The following PTPRC variants were observed in gnomAD, a reference collection of about 807,000 sequenced individuals.
PTPRC encodes the protein receptor-type tyrosine-protein phosphatase C.
In PTPRC, 44 loss-of-function variants were observed where a neutral mutation model predicts 155.9. That is an observed-to-expected ratio of 0.28 (90% CI 0.22 to 0.36). The LOEUF is 0.36. PTPRC is among the 10% of genes least tolerant of loss of function. The probability of loss-of-function intolerance (pLI) is 1.00; values close to 1 mark genes in which losing one functional copy is unlikely to be tolerated. For synonymous variants in PTPRC, 525 were observed against 533.1 expected, an observed-to-expected ratio of 0.98 and a Z score of 0.21; for missense variants, 1,401 against 1,564.6, an observed-to-expected ratio of 0.90 and a Z score of 1.76.
At chr1:198,728,480 A>T (rs1038900845) in intron 16 of PTPRC, 32 bp downstream of exon 16, 2 of 1,606,340 alleles carry the variant, frequency 1.2e-6, no homozygotes, top group Admixed American at 3.3e-5. Flanking sequence ...TTAAATAATA[A>T]TGGTATTAGT....
chr1:198,695,933 G>A (rs796150586), intron 3 of PTPRC, among the ~76,000 whole-genome samples: 13 of 152,096 alleles, frequency 8.5e-5, no homozygotes, highest in African/African-American at 2.2e-4. Flanking sequence ...AGGCCGAGGC[G>A]GGTGGATCAC....
chr1:198,732,687 A>C (rs773643460), intron 20 of PTPRC, 131 bp downstream of exon 20: 28 of 678,820 alleles, frequency 4.1e-5, no homozygotes, highest in Non-Finnish European at 6.1e-5. Flanking sequence ...TAAACAAAAA[A>C]TTATCAATAT....
chr1:198,741,723 A>G (rs1208792541), intron 23 of PTPRC, 146 bp from the exon 24 acceptor site: 10 of 794,860 alleles, frequency 1.3e-5, no homozygotes, highest in South Asian at 1.8e-5. Context: ...GAGAAAATAT[A>G]TAAGACACCT....
rs1655683587 is a variant in PTPRC at position 198,756,603 on chromosome 1, A to G, written c.*422A>G. On this transcript the variant is annotated 3_prime_UTR_variant, in exon 33 of 33. Coordinates refer to ENST00000442510, the MANE Select transcript of PTPRC (RefSeq NM_002838.5). ...CTTGAAGGATCTGTTTTTAAAAATC[A>G]TAAACTGTGTGCAGACTCAATAAAA... 1.5e-5 allele frequency: 3 copies of G among 194,206 alleles called. No individual in the cohort carries two copies. Among genetic ancestry groups the G allele is most frequent in the Non-Finnish European group, 3.2e-5 (3 of 93,326 alleles). The allele number at this position is 194,206 out of a possible 1,614,324, so 12.0% of individuals were successfully genotyped here.
At chr1:198,666,807 A>G (rs1410514894) in intron 2 of PTPRC, among the ~76,000 whole-genome samples, 1 of 152,204 alleles carries the variant, frequency 6.6e-6, no homozygotes, top group Non-Finnish European at 1.5e-5. Context: ...TCTTGCTTGA[A>G]TGAGGATGAG....
At chr1:198,747,737 G>A (rs1006218013) in intron 26 of PTPRC, among the ~76,000 whole-genome samples, 1 of 151,838 alleles carries the variant, frequency 6.6e-6, no homozygotes, top group Non-Finnish European at 1.5e-5. Context: ...AGAATGTGTT[G>A]TCTCCAAAGT....
At position 198,734,240 on chromosome 1, in the gene PTPRC, C is replaced by A. The variant is rs369017416; in HGVS notation, c.2179+8C>A. 6.2e-7 allele frequency: 1 copy of A among 1,610,536 alleles called. No homozygotes were observed. Among genetic ancestry groups the A allele is most frequent in the Non-Finnish European group, 8.5e-7 (1 of 1,177,726 alleles). ...AATACATTGCTGCACAAGGTAATTT[C>A]TTTGATAATCCAATATTCTTTTTGA... On this transcript the variant is annotated splice_region_variant and intron_variant, in intron 21 of 32. Coordinates refer to ENST00000442510, the MANE Select transcript of PTPRC (RefSeq NM_002838.5).
intron 31 of PTPRC, among the ~76,000 whole-genome samples, chr1:198,753,277 A>G (rs1655469508): frequency 6.6e-6 from 1 of 152,006 alleles, no homozygotes; most frequent in Admixed American, 6.6e-5. Context: ...AATTTTCTAA[A>G]CTGAACCAAA....
chr1:198,755,440 T>C (rs1419941217), intron 32 of PTPRC, among the ~76,000 whole-genome samples: 1 of 151,784 alleles, frequency 6.6e-6, no homozygotes, highest in East Asian at 1.9e-4. Flanking sequence ...AGCTAATTGG[T>C]ATGAGGGAAA....
intron 2 of PTPRC, among the ~76,000 whole-genome samples, chr1:198,661,319 TTAAA>T (rs1343885359): frequency 6.7e-6 from 1 of 149,544 alleles, no homozygotes; most frequent in Non-Finnish European, 1.5e-5. Context: ...TAATTATTTA[TTAAA>T]TAATAATAAA....
Position 198,757,337 on chromosome 1 carries a change from T to C in PTPRC, c.*1156T>C, listed in dbSNP as rs1015777761. ...ATGTGTATGCACCTATTGAAATATGTTTAATGCATTTATTAACATTTGCAG... is the reference window on the plus strand; with the variant it reads ...ATGTGTATGCACCTATTGAAATATGCTTAATGCATTTATTAACATTTGCAG... On this transcript the variant is annotated 3_prime_UTR_variant, in exon 33 of 33. Coordinates refer to ENST00000442510, the MANE Select transcript of PTPRC (RefSeq NM_002838.5). 1.3e-5 allele frequency: 2 copies of C among 151,858 alleles called. No individual in the cohort carries two copies. Among genetic ancestry groups the C allele is most frequent in the South Asian group, 2.1e-4 (1 of 4,824 alleles). 9.4% of individuals were successfully genotyped at this position (151,858 alleles called of 1,614,324 possible).
At chr1:198,709,941 T>C in intron 11 of PTPRC, 117 bp downstream of exon 11, 1 of 1,356,828 alleles carries the variant, frequency 7.4e-7, no homozygotes, top group Non-Finnish European at 1.0e-6. Context: ...TTTTTAAGCA[T>C]ATGCTTTTTA....
chr1:198,704,211 A>G (rs187895147), intron 7 of PTPRC, among the ~76,000 whole-genome samples: 133 of 152,314 alleles, frequency 8.7e-4, no homozygotes, highest in Admixed American at 1.9e-3. Context: ...CGCCAATTAG[A>G]TGCGTACCTA....
At chr1:198,664,778 A>G (rs950450539) in intron 2 of PTPRC, among the ~76,000 whole-genome samples, 1 of 152,148 alleles carries the variant, frequency 6.6e-6, no homozygotes, top group African/African-American at 2.4e-5. Flanking sequence ...GATAGTTGCT[A>G]GATTTGAAAT....
intron 11 of PTPRC, among the ~76,000 whole-genome samples, chr1:198,712,287 AACTT>A (rs1211921756): frequency 6.6e-6 from 1 of 152,230 alleles, no homozygotes; most frequent in African/African-American, 2.4e-5. Context: ...TAAAAAGACA[AACTT>A]AATCTGTAGT....
intron 2 of PTPRC, among the ~76,000 whole-genome samples, chr1:198,667,294 T>C (rs961998483): frequency 1.3e-5 from 2 of 152,230 alleles, no homozygotes; most frequent in Non-Finnish European, 2.9e-5. Context: ...TATTCTTGTT[T>C]TCCAGCCTCT....
At chr1:198,727,466 G>T (rs535503029) in intron 15 of PTPRC, among the ~76,000 whole-genome samples, 1 of 151,912 alleles carries the variant, frequency 6.6e-6, no homozygotes, top group Non-Finnish European at 1.5e-5. Flanking sequence ...TATTTTTTTT[G>T]TGAATAGTGA....
intron 20 of PTPRC, among the ~76,000 whole-genome samples, 153 bp downstream of exon 20, chr1:198,732,709 GTTAT>G (rs1654452370): frequency 6.6e-6 from 1 of 151,808 alleles, no homozygotes; most frequent in South Asian, 2.1e-4. Context: ...AGCAAGGATA[GTTAT>G]TTATTATGTG....
intron 2 of PTPRC, among the ~76,000 whole-genome samples, chr1:198,647,573 TC>T (rs1487740050): frequency 2.0e-5 from 3 of 151,914 alleles, no homozygotes; most frequent in African/African-American, 4.8e-5. Flanking sequence ...TTGTTTTTCT[TC>T]CTCTATCTTT....
Sources: gnomAD v4.1 joint callset for allele counts (sites outside exome capture counted in the v4.1 genomes callset) on GRCh38, gnomAD v4.1.1 for gene constraint, MANE v1.5 for transcripts, NCBI Gene and HGNC (gene_info 2026-07-23, HGNC 2026-07-21) for gene names.